CNBD1: variants seen among roughly 807,000 people sequenced by gnomAD.
CNBD1 encodes the protein cyclic nucleotide binding domain containing 1, also known as cyclic nucleotide-binding domain-containing protein 1.
In CNBD1, 71 loss-of-function variants were observed where a neutral mutation model predicts 54.4. The ratio of observed to expected loss-of-function variants is 1.30; its 90% CI spans 1.08 to 1.59. The LOEUF (loss-of-function observed/expected upper bound fraction) is 1.59. Among genes scored for constraint, CNBD1 ranks in the 40% most tolerant of loss-of-function variants. The pLI is 0.00. For missense variants in CNBD1, 659 were observed against 518.0 expected (o/e 1.27, Z -2.64); for synonymous variants, 182 against 170.7 (o/e 1.07, Z -0.51).
At chr8:87,117,307 G>T (rs538253687) in intron 4 of CNBD1, among the ~76,000 whole-genome samples, 14 of 150,426 alleles carry the variant, frequency 9.3e-5, no homozygotes, top group Non-Finnish European at 1.9e-4. Flanking sequence ...GCTGAGGGAC[G>T]AGAATTGCTT....
intron 2 of CNBD1, among the ~76,000 whole-genome samples, chr8:87,408,337 T>C (rs1807684348): frequency 6.6e-6 from 1 of 152,064 alleles, no homozygotes; most frequent in South Asian, 2.1e-4. Flanking sequence ...TTCACCTTCT[T>C]ATTAATCCCA....
chr8:87,335,379 T>A (rs1195132667), intron 8 of CNBD1, among the ~76,000 whole-genome samples: 1 of 152,196 alleles, frequency 6.6e-6, no homozygotes, highest in Non-Finnish European at 1.5e-5. Context: ...TTTATGAATC[T>A]GGGTGCTCCT....
At chr8:87,270,164 G>C (rs1380947507) in intron 6 of CNBD1, among the ~76,000 whole-genome samples, 1 of 151,818 alleles carries the variant, frequency 6.6e-6, no homozygotes, top group Non-Finnish European at 1.5e-5. Flanking sequence ...AAAACCACAT[G>C]ATCATCTCAA....
intron 6 of CNBD1, among the ~76,000 whole-genome samples, chr8:87,264,749 GTGA>G (rs1303105773): frequency 1.3e-5 from 2 of 152,256 alleles, no homozygotes; most frequent in South Asian, 2.1e-4. Context: ...CTGATGACTA[GTGA>G]TGATGAGCAT....
At chr8:86,947,097 A>T (rs1039160593) in intron 4 of CNBD1, among the ~76,000 whole-genome samples, 1 of 152,112 alleles carries the variant, frequency 6.6e-6, no homozygotes, top group African/African-American at 2.4e-5. Context: ...CTGCATGGTC[A>T]CTGTTCTCAG....
chr8:86,966,555 G>A (rs1044975191), intron 4 of CNBD1, among the ~76,000 whole-genome samples: 3 of 152,172 alleles, frequency 2.0e-5, no homozygotes, highest in African/African-American at 7.2e-5. Context: ...GCTCTTAAAG[G>A]TGGCACATCC....
In CNBD1 at chr8:87,226,585, A is replaced by T. The variant is rs1397727888; in HGVS notation, c.578-10334A>T. ...ATTCTTAATCCTGAGTTCTAGTTTG[A>T]TTGCACTGTGGTCTGAGAGATAGTT... On this transcript the variant is annotated intron_variant, in intron 5 of 10. Coordinates refer to ENST00000518476, the MANE Select transcript of CNBD1 (RefSeq NM_173538.3). Among the ~76,000 whole-genome samples, 6 of 148,382 alleles carry T rather than the reference A, an allele frequency of 4.0e-5. No individual in the cohort carries two copies. In the East Asian group the frequency reaches 1.2e-3, roughly 29 times the overall value.
chr8:87,046,321 G>T (rs1229839970), intron 4 of CNBD1, among the ~76,000 whole-genome samples: 2 of 152,120 alleles, frequency 1.3e-5, no homozygotes, highest in Non-Finnish European at 2.9e-5. Flanking sequence ...ATTGTTGTGT[G>T]CATGTCCTCC....
intron 5 of CNBD1, among the ~76,000 whole-genome samples, chr8:87,229,681 A>T (rs1214463757): frequency 2.0e-5 from 3 of 152,098 alleles, no homozygotes; most frequent in Non-Finnish European, 2.9e-5. Context: ...ACAATGTTAA[A>T]TTTTTTGTTT....
chr8:87,397,902 T>A (rs911488936), intron 2 of CNBD1, among the ~76,000 whole-genome samples: 2 of 152,032 alleles, frequency 1.3e-5, no homozygotes, highest in Non-Finnish European at 2.9e-5. Flanking sequence ...AGAGTTTCTC[T>A]GCACAAGCTC....
At chr8:87,160,084 CAAGT>C (rs1325472388) in intron 4 of CNBD1, among the ~76,000 whole-genome samples, 1 of 151,818 alleles carries the variant, frequency 6.6e-6, no homozygotes, top group East Asian at 1.9e-4. Flanking sequence ...AGTAAATTAT[CAAGT>C]AAACTATAAT....
At chr8:87,151,881 A>G (rs1043348316) in intron 4 of CNBD1, among the ~76,000 whole-genome samples, 4 of 152,154 alleles carry the variant, frequency 2.6e-5, no homozygotes, top group Non-Finnish European at 5.9e-5. Flanking sequence ...ATCAATGGGC[A>G]TATTTTTACC....
chr8:87,346,892 G>T (rs1308910210), intron 8 of CNBD1, among the ~76,000 whole-genome samples: 1 of 152,128 alleles, frequency 6.6e-6, no homozygotes, highest in African/African-American at 2.4e-5. Flanking sequence ...AGGTGGTATG[G>T]ACTCTAGCCC....
At chr8:87,049,978 A>G (rs992079757) in intron 4 of CNBD1, among the ~76,000 whole-genome samples, 2 of 152,160 alleles carry the variant, frequency 1.3e-5, no homozygotes, top group African/African-American at 4.8e-5. Flanking sequence ...TCCCAAGGCT[A>G]TTTCTTTCCT....
chr8:87,341,425 G>T (rs186010423), intron 8 of CNBD1, among the ~76,000 whole-genome samples: 11 of 152,108 alleles, frequency 7.2e-5, no homozygotes, highest in African/African-American at 2.7e-4. Flanking sequence ...GTTGCTGGGA[G>T]TTTTCTCTTA....
At chr8:87,186,836 CA>C (rs1813485574) in intron 4 of CNBD1, among the ~76,000 whole-genome samples, 1 of 151,858 alleles carries the variant, frequency 6.6e-6, no homozygotes, top group South Asian at 2.1e-4. Flanking sequence ...AAAATGGAAA[CA>C]AGGAAGCAAA....
At position 86,905,151 on chromosome 8, in the gene CNBD1, CA is replaced by C; in HGVS notation, c.234del (p.Lys78AsnfsTer34). 1.9e-6 allele frequency: 3 copies of C among 1,611,872 alleles called. No homozygotes were observed. The highest frequency in any genetic ancestry group is 2.5e-6 in the Non-Finnish European group (3 of 1,178,454). ...GCAATATCCTAAAGTATTCCTGCAC[CA>C]AAAACCCAGACTTCCTAAACTTTTC... ...MKQYPKVFLHQKPRLPKLFKQ... is the reference protein window; with the variant it reads ...MKQYPKVFLHXKPRLPKLFKQ... On this transcript the variant is annotated frameshift_variant, in exon 3 of 11. Transcript: ENST00000518476. LOFTEE classifies it high-confidence loss of function.
intron 6 of CNBD1, among the ~76,000 whole-genome samples, chr8:87,271,775 A>G (rs1459288644): frequency 6.6e-6 from 1 of 151,330 alleles, no homozygotes; most frequent in African/African-American, 2.5e-5. Flanking sequence ...AAAAGAAAAT[A>G]AATTAGTATA....
At chr8:87,253,464 C>T (rs1224413574) in intron 6 of CNBD1, among the ~76,000 whole-genome samples, 1 of 152,126 alleles carries the variant, frequency 6.6e-6, no homozygotes, top group Non-Finnish European at 1.5e-5. Context: ...AGCACGTCCA[C>T]CTTTCATTAT....
Sources: allele counts gnomAD v4.1 joint callset (sites outside exome capture counted in the v4.1 genomes callset), GRCh38; gene constraint gnomAD v4.1.1; transcripts MANE v1.5; gene names NCBI Gene and HGNC (gene_info 2026-07-23, HGNC 2026-07-21).